Variants in MRPL43 observed in about 807,000 individuals in gnomAD.
MRPL43 encodes the protein large ribosomal subunit protein mL43.
A neutral mutation model predicts 12.7 loss-of-function variants in MRPL43; 9 were observed. The ratio of observed to expected loss-of-function variants is 0.71; its 90% CI spans 0.43 to 1.24. The LOEUF (loss-of-function observed/expected upper bound fraction) is 1.24, where lower values mean the gene tolerates loss of function less well. Among genes scored for constraint, MRPL43 ranks in the 50% most tolerant of loss-of-function variants. The pLI is 0.00. For synonymous variants in MRPL43, 116 were observed against 96.4 expected (o/e 1.20, Z -1.19); for missense variants, 211 against 229.2 (o/e 0.92, Z 0.51).
At chr10:100,981,005 G>A (rs1851043786), downstream of MRPL43, 3 of 1,592,720 alleles carry the variant, frequency 1.9e-6, no homozygotes, top group South Asian at 1.1e-5. Context: ...CAGGTGGGAA[G>A]TGGTGGGGGG....
chr10:100,983,260 CT>C, downstream of MRPL43: 3 of 1,472,048 alleles, frequency 2.0e-6, no homozygotes, highest in Non-Finnish European at 2.7e-6. Context: ...TCTCTAATCC[CT>C]TCCTGGGACG....
downstream of MRPL43, chr10:100,978,875 G>C (rs528948930): frequency 1.2e-6 from 2 of 1,614,058 alleles, no homozygotes; most frequent in Non-Finnish European, 1.7e-6. Flanking sequence ...CTCCGTCCTC[G>C]TGCGGGAGAG....
chr10:100,980,243 G>A (rs770950663), downstream of MRPL43: 8 of 1,614,198 alleles, frequency 5.0e-6, no homozygotes, highest in East Asian at 6.7e-5. Context: ...ACACGTGGAC[G>A]GCCCCTGCTG....
chr10:100,984,855 C>G, downstream of MRPL43: 1 of 1,497,264 alleles, frequency 6.7e-7, no homozygotes, highest in East Asian at 2.5e-5. Flanking sequence ...CCTTGTGAAT[C>G]AGCCTCCCCA....
downstream of MRPL43, chr10:100,980,750 G>A (rs1252881187): frequency 3.7e-6 from 6 of 1,606,280 alleles, no homozygotes; most frequent in Non-Finnish European, 5.1e-6. Context: ...GAGGGAGTGG[G>A]GAGGTTGGGC....
chr10:100,982,020 T>C (rs1430224184), downstream of MRPL43, among the ~76,000 whole-genome samples: 1 of 146,236 alleles, frequency 6.8e-6, no homozygotes, highest in Non-Finnish European at 1.5e-5. Context: ...ATCACACCAT[T>C]GCACTCCAGC....
downstream of MRPL43, chr10:100,978,103 C>G: frequency 1.7e-6 from 1 of 591,564 alleles, no homozygotes; most frequent in Non-Finnish European, 3.0e-6. Flanking sequence ...AGATTTGGAA[C>G]TCCAAACATA....
chr10:100,978,531 A>C (rs749483446), downstream of MRPL43: 6 of 1,613,878 alleles, frequency 3.7e-6, no homozygotes, highest in Non-Finnish European at 4.2e-6. Context: ...CGCCAGATGG[A>C]GGCCTCTACA....
In MRPL43 at chr10:100,986,916, G is replaced by A. The variant is rs62626267; in HGVS notation, c.298C>T (p.Leu100=). Reference sequence around the variant, plus strand: ...GACTGGTCGGCCAGCTTCTGCACCAGCGTCGAGATCTCCTCGACCGACTTG... The same window carrying A: ...GACTGGTCGGCCAGCTTCTGCACCAACGTCGAGATCTCCTCGACCGACTTG... ...HCKSVEEIST[L]VQKLADQSGL... Residue 100 remains leucine, a synonymous_variant, in exon 3 of 3, where the codon CTG becomes TTG. Transcript: ENST00000318364. The A allele has an allele frequency of 6.2e-7, 1 of 1,611,134 alleles. No individual in the cohort carries two copies. The highest frequency in any genetic ancestry group is 8.5e-7 in the Non-Finnish European group (1 of 1,180,018).
In MRPL43 at chr10:100,987,485, G is replaced by C; in HGVS notation, c.-42C>G. ...CCGCGGAGCCTAAGCAGCGAGGAGA[G>C]GGGGGCGGGACTAAACCTCGAGGCT... On this transcript the variant is annotated 5_prime_UTR_variant, in exon 1 of 3. Transcript: ENST00000318364. The C allele has an allele frequency of 3.7e-6, 6 of 1,602,960 alleles. No homozygotes were observed. The highest frequency in any genetic ancestry group is 2.2e-5 in the South Asian group (2 of 90,628).
chr10:100,981,525 C>A, downstream of MRPL43: 1 of 1,614,022 alleles, frequency 6.2e-7, no homozygotes, highest in South Asian at 1.1e-5. Context: ...CAAGGAAGAT[C>A]GGATGACTGA....
downstream of MRPL43, chr10:100,978,098 T>A (rs1313315143): frequency 1.7e-6 from 1 of 589,760 alleles, no homozygotes; most frequent in Non-Finnish European, 3.0e-6. Flanking sequence ...CTTGCAGATT[T>A]GGAACTCCAA....
chr10:100,984,197 C>T (rs1180250824), downstream of MRPL43: 1 of 1,530,610 alleles, frequency 6.5e-7, no homozygotes, highest in Non-Finnish European at 8.7e-7. Context: ...GCCACTGCCT[C>T]CCTAACACAG....
At chr10:100,981,625 C>T, downstream of MRPL43, 5 of 1,505,756 alleles carry the variant, frequency 3.3e-6, no homozygotes, top group Non-Finnish European at 4.6e-6. Flanking sequence ...CTAAATACTT[C>T]TATGCATGAT....
chr10:100,983,279 AC>A, downstream of MRPL43: 3 of 1,503,902 alleles, frequency 2.0e-6, no homozygotes, highest in Non-Finnish European at 2.7e-6. Flanking sequence ...ACGGGCTGGT[AC>A]TGACCTCTCC....
In MRPL43 at chr10:100,987,076, C is replaced by T. The variant is rs1214928329; in HGVS notation, c.238+14G>A. The T allele has an allele frequency of 6.2e-7, 1 of 1,612,606 alleles. No individual in the cohort carries two copies. The highest frequency in any genetic ancestry group is 8.5e-7 in the Non-Finnish European group (1 of 1,179,930). The stretch of plus-strand genomic sequence containing the variant: ...CCTGATCCCGCCCTCCAGCCCGAGC[C>T]CGGCCCCACTCACGGTATTCGGCCA... On this transcript the variant is annotated intron_variant, in intron 2 of 2. Transcript: ENST00000318364.
Position 100,986,913 on chromosome 10 carries a change from C to A in MRPL43, c.301G>T (p.Val101Leu). The A allele has an allele frequency of 6.2e-7, 1 of 1,611,512 alleles. No homozygotes were observed. Among genetic ancestry groups the A allele is most frequent in the Non-Finnish European group, 8.5e-7 (1 of 1,180,010 alleles). Residue 101 changes from valine to leucine, a missense_variant, in exon 3 of 3, where the codon GTG (valine) becomes TTG (leucine). Physicochemically the swap from Val to Leu is conservative, Grantham distance 32. Coordinates refer to ENST00000318364, the MANE Select transcript of MRPL43 (RefSeq NM_032112.3). ...CKSVEEISTL[V>L]QKLADQSGLD... ...CCCGACTGGTCGGCCAGCTTCTGCA[C>A]CAGCGTCGAGATCTCCTCGACCGAC...
downstream of MRPL43, chr10:100,979,182 G>A: frequency 6.2e-7 from 1 of 1,614,190 alleles, no homozygotes; most frequent in Non-Finnish European, 8.5e-7. Flanking sequence ...ACATTCCACT[G>A]TATGAGACAC....
At chr10:100,981,302 A>G (rs2133889534), downstream of MRPL43, 5 of 1,597,082 alleles carry the variant, frequency 3.1e-6, no homozygotes, top group East Asian at 2.2e-5. Context: ...ATGTGTACGT[A>G]TATGTTTGTA....
Sources: allele counts gnomAD v4.1 joint callset (sites outside exome capture counted in the v4.1 genomes callset), GRCh38; gene constraint gnomAD v4.1.1; transcripts MANE v1.5; gene names NCBI Gene and HGNC (gene_info 2026-07-23, HGNC 2026-07-21).